CDKAL1: variants seen among roughly 807,000 people sequenced by gnomAD.
CDKAL1 encodes threonylcarbamoyladenosine tRNA methylthiotransferase.
CDKAL1 carries 32 observed loss-of-function variants against 68.2 expected under a neutral mutation model. That is an observed-to-expected ratio of 0.47 (90% CI 0.35 to 0.63). The LOEUF (loss-of-function observed/expected upper bound fraction) is 0.63, where lower values mean the gene tolerates loss of function less well. Among genes scored for constraint, CDKAL1 ranks in the 30% least tolerant of loss-of-function variants. The probability of loss-of-function intolerance (pLI) is 0.00; values close to 1 mark genes in which losing one functional copy is unlikely to be tolerated. For synonymous variants in CDKAL1, 234 were observed against 244.3 expected, an observed-to-expected ratio of 0.96 and a Z score of 0.39; for missense variants, 606 against 696.7, an observed-to-expected ratio of 0.87 and a Z score of 1.47.
chr6:20,662,842 G>A (rs922540737), intron 5 of CDKAL1, among the ~76,000 whole-genome samples: 1 of 152,042 alleles, frequency 6.6e-6, no homozygotes, highest in African/African-American at 2.4e-5. Flanking sequence ...TAGATTTTAA[G>A]AGTTTGAACT....
intron 4 of CDKAL1, among the ~76,000 whole-genome samples, chr6:20,630,587 A>G (rs1041345851): frequency 6.6e-6 from 1 of 152,192 alleles, no homozygotes; most frequent in African/African-American, 2.4e-5. Flanking sequence ...AGAAAAAACC[A>G]GGTGACTATA....
intron 9 of CDKAL1, among the ~76,000 whole-genome samples, chr6:20,899,627 G>A (rs537335651): frequency 6.6e-6 from 1 of 152,146 alleles, no homozygotes; most frequent in East Asian, 1.9e-4. Flanking sequence ...GCAGATCACC[G>A]AGGTAAGGAG....
intron 13 of CDKAL1, among the ~76,000 whole-genome samples, chr6:21,195,799 C>T (rs536468752): frequency 1.8e-4 from 27 of 152,170 alleles, no homozygotes; most frequent in Non-Finnish European, 3.1e-4. Context: ...CATGAGCCAC[C>T]GGGCCCGGCC....
intron 4 of CDKAL1, among the ~76,000 whole-genome samples, chr6:20,645,942 G>A (rs768428538): frequency 2.6e-5 from 4 of 151,594 alleles, no homozygotes; most frequent in Non-Finnish European, 5.9e-5. Flanking sequence ...AGATCTTCAG[G>A]GGCAATAACA....
intron 5 of CDKAL1, among the ~76,000 whole-genome samples, chr6:20,693,875 C>CT (rs751860824): frequency 0.018 from 2,633 of 142,800 alleles, 70 homozygotes; most frequent in African/African-American, 0.06. Flanking sequence ...TTGCCAGCTA[C>CT]TTTTTTTTTT....
At chr6:20,687,920 A>C (rs77643154) in intron 5 of CDKAL1, among the ~76,000 whole-genome samples, 14,627 of 152,082 alleles carry the variant, frequency 0.096, 2,286 homozygotes, top group African/African-American at 0.33. Context: ...CTACTGGCAA[A>C]AAAATCTCTC....
At chr6:21,201,848 C>T (rs1360935035) in intron 15 of CDKAL1, among the ~76,000 whole-genome samples, 1 of 152,012 alleles carries the variant, frequency 6.6e-6, no homozygotes, top group Non-Finnish European at 1.5e-5. Context: ...AGCTCTCTCA[C>T]ATTTCATTGA....
At chr6:20,900,422 G>T (rs1034983229) in intron 9 of CDKAL1, among the ~76,000 whole-genome samples, 1 of 152,182 alleles carries the variant, frequency 6.6e-6, no homozygotes, top group Non-Finnish European at 1.5e-5. Context: ...GAAGCACAAG[G>T]CTTCTCTCCT....
chr6:20,575,673 T>C (rs1296193892), intron 4 of CDKAL1, among the ~76,000 whole-genome samples: 1 of 152,176 alleles, frequency 6.6e-6, no homozygotes, highest in African/African-American at 2.4e-5. Context: ...GGTCATAGCT[T>C]TTAAAAGTTC....
intron 8 of CDKAL1, among the ~76,000 whole-genome samples, chr6:20,795,364 C>T (rs192493114): frequency 7.2e-5 from 11 of 152,228 alleles, no homozygotes; most frequent in Middle Eastern, 3.4e-3. Context: ...TAAGCCTAAA[C>T]ATATGTGATT....
chr6:20,770,094 T>TC (rs2150361479), intron 7 of CDKAL1, among the ~76,000 whole-genome samples: 1 of 152,286 alleles, frequency 6.6e-6, no homozygotes, highest in South Asian at 2.1e-4. Flanking sequence ...AACTTTTTTT[T>TC]CTCTTTTATT....
At chr6:20,622,426 A>G (rs1012404847) in intron 4 of CDKAL1, among the ~76,000 whole-genome samples, 1 of 152,104 alleles carries the variant, frequency 6.6e-6, no homozygotes, top group African/African-American at 2.4e-5. Flanking sequence ...TTCACCTTTT[A>G]ATTTTCACAG....
chr6:20,609,380 CTT>C (rs1766501513), intron 4 of CDKAL1, among the ~76,000 whole-genome samples: 5 of 103,346 alleles, frequency 4.8e-5, no homozygotes, highest in African/African-American at 1.8e-4. Flanking sequence ...TCTCCTTCTT[CTT>C]CTTCTTCTTC....
At chr6:20,726,200 C>G (rs543843381) in intron 5 of CDKAL1, among the ~76,000 whole-genome samples, 1 of 152,124 alleles carries the variant, frequency 6.6e-6, no homozygotes, top group South Asian at 2.1e-4. Context: ...CTCCACAACC[C>G]CCCAGACAGT....
chr6:20,853,407 A>C (rs983689083), intron 9 of CDKAL1, among the ~76,000 whole-genome samples: 18 of 137,048 alleles, frequency 1.3e-4, no homozygotes, highest in Admixed American at 3.0e-4. Flanking sequence ...AAAAACAAAA[A>C]AAAAAACCCT....
At chr6:20,996,039 C>T (rs1031336530) in intron 10 of CDKAL1, among the ~76,000 whole-genome samples, 10 of 152,210 alleles carry the variant, frequency 6.6e-5, no homozygotes, top group Admixed American at 1.3e-4. Context: ...ATGGAAACAG[C>T]GTTCCTTAAA....
chr6:20,997,761 G>C (rs1767199236), intron 10 of CDKAL1, among the ~76,000 whole-genome samples: 1 of 152,100 alleles, frequency 6.6e-6, no homozygotes, highest in Admixed American at 6.6e-5. Flanking sequence ...ATGCAAATCA[G>C]TACCAGTTAT....
intron 15 of CDKAL1, among the ~76,000 whole-genome samples, chr6:21,208,066 C>T (rs1779009292): frequency 6.6e-6 from 1 of 151,672 alleles, no homozygotes; most frequent in African/African-American, 2.4e-5. Flanking sequence ...CTGGACTTAC[C>T]ATTCTCTTTC....
At chr6:21,170,230 A>G (rs1362243210) in intron 13 of CDKAL1, among the ~76,000 whole-genome samples, 2 of 152,324 alleles carry the variant, frequency 1.3e-5, no homozygotes, top group East Asian at 3.9e-4. Context: ...GGTGGGATGA[A>G]TCACCTCCTG....
Sources: allele counts gnomAD v4.1 joint callset (sites outside exome capture counted in the v4.1 genomes callset), GRCh38; gene constraint gnomAD v4.1.1; transcripts MANE v1.5; gene names NCBI Gene and HGNC (gene_info 2026-07-23, HGNC 2026-07-21).